The following NCKAP5 variants were observed in gnomAD, a reference collection of about 807,000 sequenced individuals.
NCKAP5 encodes nck-associated protein 5.
A neutral mutation model predicts 167.0 loss-of-function variants in NCKAP5; 92 were observed. The observed-to-expected ratio is 0.55, with a 90% CI of 0.47 to 0.66. The LOEUF (loss-of-function observed/expected upper bound fraction) is 0.66. NCKAP5 is among the 30% of genes least tolerant of loss of function. The pLI is 0.00. For synonymous variants in NCKAP5, 891 were observed against 877.4 expected (o/e 1.02, Z -0.27); for missense variants, 2,378 against 2,315.0 (o/e 1.03, Z -0.56).
At chr2:133,004,354 A>G (rs2077887726) in intron 6 of NCKAP5, among the ~76,000 whole-genome samples, 1 of 152,170 alleles carries the variant, frequency 6.6e-6, no homozygotes, top group Admixed American at 6.5e-5. Context: ...CAATATTTCA[A>G]TGTAGGTTCT....
chr2:133,332,337 C>T (rs1682911439), intron 3 of NCKAP5, among the ~76,000 whole-genome samples: 1 of 152,004 alleles, frequency 6.6e-6, no homozygotes, highest in Admixed American at 6.6e-5. Context: ...AACCAGAATC[C>T]AACACTCCAA....
intron 5 of NCKAP5, among the ~76,000 whole-genome samples, chr2:133,142,360 C>A (rs2083031906): frequency 6.6e-6 from 1 of 152,138 alleles, no homozygotes; most frequent in African/African-American, 2.4e-5. Context: ...GCTACAATTA[C>A]TACTATTAAT....
chr2:132,873,360 G>A (rs560101197), intron 9 of NCKAP5, among the ~76,000 whole-genome samples: 44 of 152,190 alleles, frequency 2.9e-4, no homozygotes, highest in Non-Finnish European at 4.7e-4. Context: ...TGATCCGCCC[G>A]CCTCGGCCTC....
intron 3 of NCKAP5, among the ~76,000 whole-genome samples, chr2:133,488,657 A>T (rs1681135121): frequency 6.6e-6 from 1 of 151,966 alleles, no homozygotes; most frequent in Non-Finnish European, 1.5e-5. Flanking sequence ...ACATAGGGAG[A>T]CCCCATCTCT....
intron 3 of NCKAP5, among the ~76,000 whole-genome samples, chr2:133,399,481 T>C (rs1432854596): frequency 1.3e-5 from 2 of 152,102 alleles, no homozygotes; most frequent in Non-Finnish European, 2.9e-5. Flanking sequence ...TCTAAGATTC[T>C]GTACATATAG....
intron 6 of NCKAP5, among the ~76,000 whole-genome samples, chr2:133,060,065 C>T (rs1224544997): frequency 6.6e-6 from 1 of 152,132 alleles, no homozygotes. Context: ...CAATGGGATG[C>T]CAAGCTTAAG....
intron 3 of NCKAP5, among the ~76,000 whole-genome samples, chr2:133,516,066 G>A (rs1683961610): frequency 6.6e-6 from 1 of 152,194 alleles, no homozygotes; most frequent in African/African-American, 2.4e-5. Context: ...ATATTTCTGG[G>A]TTAAGAGAAT....
At chr2:132,971,117 A>G (rs2076821901) in intron 7 of NCKAP5, among the ~76,000 whole-genome samples, 2 of 152,248 alleles carry the variant, frequency 1.3e-5, no homozygotes, top group African/African-American at 4.8e-5. Flanking sequence ...GTTCTCATGG[A>G]GCTTACAGTC....
chr2:133,552,261 C>T, intron 2 of NCKAP5, among the ~76,000 whole-genome samples: 1 of 106,112 alleles, frequency 9.4e-6, no homozygotes, highest in African/African-American at 3.8e-5. Flanking sequence ...ACCCAAATGA[C>T]TATAAATCAT....
intron 3 of NCKAP5, among the ~76,000 whole-genome samples, chr2:133,409,162 G>A (rs1688624897): frequency 6.6e-6 from 1 of 151,932 alleles, no homozygotes; most frequent in Non-Finnish European, 1.5e-5. Context: ...CCTTGCTACT[G>A]AGTTATAATG....
At chr2:133,620,910 G>T in the NCKAP5 span, among the ~76,000 whole-genome samples, 1 of 151,920 alleles carries the variant, frequency 6.6e-6, no homozygotes, top group East Asian at 1.9e-4. Context: ...AATCAAAATT[G>T]TATCAAGTAC....
At chr2:132,974,780 A>G (rs1389272461) in intron 7 of NCKAP5, among the ~76,000 whole-genome samples, 2 of 152,222 alleles carry the variant, frequency 1.3e-5, no homozygotes, top group Non-Finnish European at 2.9e-5. Flanking sequence ...TGTATCAGAA[A>G]TGTCAGATCT....
At chr2:133,104,720 A>G (rs998816665) in intron 6 of NCKAP5, among the ~76,000 whole-genome samples, 3 of 152,222 alleles carry the variant, frequency 2.0e-5, no homozygotes, top group African/African-American at 7.2e-5. Flanking sequence ...CCACACATAT[A>G]ATTCCTAAAC....
chr2:133,569,774 G>A (rs74742049), upstream of NCKAP5, among the ~76,000 whole-genome samples: 10 of 152,154 alleles, frequency 6.6e-5, no homozygotes, highest in East Asian at 1.9e-3. Context: ...ATTTGGTAGG[G>A]TCCCAAGACC....
At chr2:133,303,936 T>C (rs899415204) in intron 3 of NCKAP5, among the ~76,000 whole-genome samples, 16 of 152,276 alleles carry the variant, frequency 1.1e-4, no homozygotes, top group African/African-American at 3.8e-4. Flanking sequence ...TTTTGTATTG[T>C]TTTCCTCTGA....
chr2:133,027,996 T>C (rs989570654), intron 6 of NCKAP5, among the ~76,000 whole-genome samples: 1 of 152,182 alleles, frequency 6.6e-6, no homozygotes, highest in Admixed American at 6.5e-5. Flanking sequence ...CCAAAACGTT[T>C]TGAGCATCGA....
intron 12 of NCKAP5, among the ~76,000 whole-genome samples, chr2:132,793,586 C>G (rs1388593458): frequency 6.6e-6 from 1 of 152,194 alleles, no homozygotes; most frequent in African/African-American, 2.4e-5. Context: ...CGCAGCAAGC[C>G]TCTAGGAGAA....
chr2:133,484,757 T>A (rs1023057278), intron 3 of NCKAP5, among the ~76,000 whole-genome samples: 3 of 152,166 alleles, frequency 2.0e-5, no homozygotes, highest in South Asian at 2.1e-4. Flanking sequence ...TAAATGAAGT[T>A]GGGTCCCATC....
intron 6 of NCKAP5, among the ~76,000 whole-genome samples, chr2:133,010,035 C>T (rs1403191742): frequency 6.6e-6 from 1 of 150,936 alleles, no homozygotes; most frequent in East Asian, 2.0e-4. Flanking sequence ...GGTGCCACTG[C>T]ACTCCAGCCT....
Sources: allele counts gnomAD v4.1 joint callset (sites outside exome capture counted in the v4.1 genomes callset), GRCh38; gene constraint gnomAD v4.1.1; transcripts MANE v1.5; gene names NCBI Gene and HGNC (gene_info 2026-07-23, HGNC 2026-07-21).